The following PRICKLE2 variants were observed in gnomAD, a reference collection of about 807,000 sequenced individuals.
The protein encoded by PRICKLE2 is prickle planar cell polarity protein 2, also known as prickle-like protein 2.
PRICKLE2 carries 21 observed loss-of-function variants against 81.4 expected under a neutral mutation model. That is an observed-to-expected ratio of 0.26 (90% CI 0.18 to 0.37). PRICKLE2 has a LOEUF of 0.37. Among genes scored for constraint, PRICKLE2 ranks in the 10% least tolerant of loss-of-function variants. The pLI, the probability that PRICKLE2 is intolerant of heterozygous loss-of-function variation, is 1.00. For missense variants in PRICKLE2, 940 were observed against 1,109.0 expected (o/e 0.85, Z 2.16); for synonymous variants, 456 against 421.5 (o/e 1.08, Z -1.00).
chr3:64,196,456 T>C (rs1451162589), intron 2 of PRICKLE2, among the ~76,000 whole-genome samples: 1 of 152,220 alleles, frequency 6.6e-6, no homozygotes, highest in Non-Finnish European at 1.5e-5. Context: ...AATGGCAATG[T>C]CAAACAAAGT....
chr3:64,157,154 G>A lies in PRICKLE2; in HGVS notation c.600+8C>T, dbSNP rs759566367. 40 of 1,613,248 alleles carry A rather than the reference G, an allele frequency of 2.5e-5. No individual in the cohort carries two copies. The highest frequency in any genetic ancestry group is 3.2e-5 in the Non-Finnish European group (38 of 1,179,308). The stretch of plus-strand genomic sequence containing the variant: ...TGGGCAGGTAAACCTGCTGGAGTTT[G>A]CTCTAACCTCATCGCAGGCAGCACA... On this transcript the variant is annotated splice_region_variant and intron_variant, in intron 5 of 7. Transcript: ENST00000638394.
At position 64,207,959 on chromosome 3, in the gene PRICKLE2, T is replaced by C. The variant is rs1354617573; in HGVS notation, c.-40-8992A>G. On this transcript the variant is annotated intron_variant, in intron 1 of 7. Transcript: ENST00000638394. ...GGAGGAGCTGGGCAGCGGCCTGACT[T>C]ACTCCATCTGCTCTGTAGCCCATTT... Among the ~76,000 whole-genome samples, 3 of 152,218 alleles carry C rather than the reference T, an allele frequency of 2.0e-5. No individual in the cohort carries two copies. In the East Asian group the frequency reaches 5.8e-4, roughly 29 times the overall value.
rs538834229 is a variant in PRICKLE2, at chr3:64,111,532, C to T, written c.1661-11607G>A. 6.6e-5 allele frequency among the ~76,000 whole-genome samples: 10 copies of T among 152,322 alleles called. No homozygotes were observed. In the East Asian group the frequency reaches 1.9e-3, roughly 29 times the overall value. ...GCAGAGAGAAGTACAGATCCAGTGA[C>T]ACTCCCCAGCTTCTAACCAGCAGCT... On this transcript the variant is annotated intron_variant, in intron 7 of 7. Coordinates refer to ENST00000638394, the MANE Select transcript of PRICKLE2 (RefSeq NM_198859.4).
At chr3:64,162,977 A>C in intron 3 of PRICKLE2, 39 bp downstream of exon 3, 1 of 1,200,180 alleles carries the variant, frequency 8.3e-7, no homozygotes, top group South Asian at 1.2e-5. Flanking sequence ...CATAGAAGGC[A>C]CTAAGAAAAT....
chr3:64,158,353 T>C (rs1265390997), intron 4 of PRICKLE2, among the ~76,000 whole-genome samples: 4 of 152,234 alleles, frequency 2.6e-5, no homozygotes, highest in African/African-American at 9.6e-5. Flanking sequence ...CGTGTGTGAC[T>C]GGACAAAAGA....
chr3:64,120,093 A>C (rs561298839), intron 7 of PRICKLE2, among the ~76,000 whole-genome samples: 9 of 152,140 alleles, frequency 5.9e-5, no homozygotes, highest in Non-Finnish European at 1.3e-4. Context: ...TTGAAAATCT[A>C]ACTATTGGGT....
At chr3:64,132,151 C>T (rs954546488) in intron 7 of PRICKLE2, among the ~76,000 whole-genome samples, 4 of 152,230 alleles carry the variant, frequency 2.6e-5, no homozygotes, top group African/African-American at 9.6e-5. Context: ...CTTCAGAGAG[C>T]TTCCTTGACC....
At chr3:64,128,223 C>T (rs1214677251) in intron 7 of PRICKLE2, among the ~76,000 whole-genome samples, 2 of 152,220 alleles carry the variant, frequency 1.3e-5, no homozygotes, top group Non-Finnish European at 1.5e-5. Context: ...GCACCCATCG[C>T]TTTCTCCACA....
chr3:64,121,221 C>T (rs1575560929), intron 7 of PRICKLE2, among the ~76,000 whole-genome samples: 2 of 152,328 alleles, frequency 1.3e-5, no homozygotes, highest in South Asian at 4.1e-4. Context: ...TAAAGGAAGC[C>T]TTTCCAAACT....
chr3:64,235,612 G>T (rs2079168933), intron 2 of PRICKLE2, among the ~76,000 whole-genome samples: 2 of 152,138 alleles, frequency 1.3e-5, no homozygotes, highest in Non-Finnish European at 2.9e-5. Flanking sequence ...TGTTTCCCTG[G>T]CAGTGTGCAG....
intron 7 of PRICKLE2, among the ~76,000 whole-genome samples, chr3:64,107,427 A>G (rs753278474): frequency 6.6e-6 from 1 of 152,210 alleles, no homozygotes; most frequent in Non-Finnish European, 1.5e-5. Flanking sequence ...ATGCAAGTCC[A>G]GAAAGAAGAA....
At chr3:64,185,450 A>G (rs1452672119) in intron 2 of PRICKLE2, among the ~76,000 whole-genome samples, 1 of 152,232 alleles carries the variant, frequency 6.6e-6, no homozygotes, top group Admixed American at 6.5e-5. Context: ...TAATTGCCAT[A>G]GCAATAACAA....
At chr3:64,227,938 T>A (rs925305591), upstream of PRICKLE2, among the ~76,000 whole-genome samples, 9 of 152,188 alleles carry the variant, frequency 5.9e-5, no homozygotes, top group Non-Finnish European at 1.2e-4. Flanking sequence ...CTAGAGCATA[T>A]CTCAAAGTTC....
intron 7 of PRICKLE2, among the ~76,000 whole-genome samples, chr3:64,140,414 G>A (rs909456433): frequency 2.0e-5 from 3 of 152,190 alleles, no homozygotes; most frequent in Non-Finnish European, 4.4e-5. Flanking sequence ...CTTACCTAGA[G>A]GTCCTTCCTA....
chr3:64,151,634 G>A lies in PRICKLE2; in HGVS notation c.787+1548C>T, dbSNP rs1203771314. On this transcript the variant is annotated intron_variant, in intron 6 of 7. Transcript: ENST00000638394. ...TCTGCACACATGGCCCCTCTCATCT[G>A]AGCAAGTGTGCACTTGCAGACTTGA... Among the ~76,000 whole-genome samples the A allele has an allele frequency of 2.0e-5, 3 of 152,126 alleles. 1 individual carries two copies. The highest frequency in any genetic ancestry group is 2.0e-4 in the Admixed American group (3 of 15,268).
At chr3:64,165,576 G>A (rs191301585) in intron 2 of PRICKLE2, among the ~76,000 whole-genome samples, 6 of 152,238 alleles carry the variant, frequency 3.9e-5, no homozygotes, top group East Asian at 3.9e-4. Context: ...GTACAGTGGC[G>A]CGGTCATGGC....
intron 2 of PRICKLE2, among the ~76,000 whole-genome samples, chr3:64,267,246 T>G (rs704419): frequency 6.6e-6 from 1 of 152,042 alleles, no homozygotes; most frequent in Admixed American, 6.5e-5. Flanking sequence ...CACTCCCCCA[T>G]GTAGAGCTAG....
Position 64,225,375 on chromosome 3 carries a change from G to A in PRICKLE2, c.-506C>T. 4.1e-6 allele frequency: 4 copies of A among 985,324 alleles called. No homozygotes were observed. Among genetic ancestry groups the A allele is most frequent in the Non-Finnish European group, 3.6e-6 (3 of 829,958 alleles). 61.0% of individuals were successfully genotyped at this position (985,324 alleles called of 1,614,324 possible). A position where few individuals can be genotyped will look rare whatever the true frequency, so the allele number is the denominator to read the frequency against. The stretch of plus-strand genomic sequence containing the variant: ...CTAGTCAGCTGCTCACAGAGCTCAA[G>A]CCACTGAACCAGGAAATGTGCTGCT... On this transcript the variant is annotated 5_prime_UTR_variant, in exon 1 of 8. Transcript: ENST00000638394.
rs755002818 is a variant in PRICKLE2 at position 64,146,829 on chromosome 3, C to T, written c.1660+1G>A. The T allele has an allele frequency of 1.2e-6, 2 of 1,614,008 alleles. No homozygotes were observed. The highest frequency in any genetic ancestry group is 1.7e-6 in the Non-Finnish European group (2 of 1,180,034). On this transcript the variant is annotated splice_donor_variant, in intron 7 of 7. Transcript: ENST00000638394. LOFTEE classifies it high-confidence loss of function. ...CTGTTTTCAAGGTGAACAGAACCTA[C>T]CTGTTGCATTAGACAGGGCCAGGGA...
Sources: gnomAD v4.1 joint callset for allele counts (sites outside exome capture counted in the v4.1 genomes callset) on GRCh38, gnomAD v4.1.1 for gene constraint, MANE v1.5 for transcripts, NCBI Gene and HGNC (gene_info 2026-07-23, HGNC 2026-07-21) for gene names.